The following TRAPPC6B variants were observed in gnomAD, a reference collection of about 807,000 sequenced individuals.
TRAPPC6B encodes the protein TRAPP complex subunit 6B.
Under a neutral mutation model 24.7 loss-of-function variants are expected in TRAPPC6B, and 27 were observed. The observed-to-expected ratio is 1.09, with a 90% CI of 0.81 to 1.51. The LOEUF (loss-of-function observed/expected upper bound fraction) is 1.51. Ranked by LOEUF, TRAPPC6B falls within the 40% of genes most tolerant of loss-of-function variation. TRAPPC6B has a pLI of 0.00. For synonymous variants in TRAPPC6B, 80 were observed against 66.6 expected, an observed-to-expected ratio of 1.20 and a Z score of -0.98; for missense variants, 212 against 190.8, an observed-to-expected ratio of 1.11 and a Z score of -0.66.
intron 3 of TRAPPC6B, among the ~76,000 whole-genome samples, chr14:39,156,365 GATAC>G (rs1231349501): frequency 6.6e-6 from 1 of 152,102 alleles, no homozygotes; most frequent in Non-Finnish European, 1.5e-5. Context: ...GAGAGTACCA[GATAC>G]ATTTAATTTT....
intron 5 of TRAPPC6B, among the ~76,000 whole-genome samples, chr14:39,151,120 G>A (rs995000909): frequency 3.3e-5 from 5 of 151,958 alleles, no homozygotes; most frequent in South Asian, 2.1e-4. Flanking sequence ...GGCCGGGCGC[G>A]GTGGTTCATG....
chr14:39,163,158 T>C (rs1232429999), intron 1 of TRAPPC6B, among the ~76,000 whole-genome samples: 1 of 150,334 alleles, frequency 6.7e-6, no homozygotes, highest in South Asian at 2.1e-4. Context: ...GATCACGAAG[T>C]CAGGAGATCG....
chr14:39,157,446 C>A, intron 3 of TRAPPC6B: 1 of 342,730 alleles, frequency 2.9e-6, no homozygotes, highest in Non-Finnish European at 5.6e-6. Flanking sequence ...GGGATGTCCC[C>A]ACTAAGAGAC....
chr14:39,158,563 G>A (rs549414983), intron 2 of TRAPPC6B, 161 bp from the exon 3 acceptor site: 53 of 549,964 alleles, frequency 9.6e-5, no homozygotes, highest in Middle Eastern at 9.2e-4. Context: ...TGTCGCCCAG[G>A]TTAGAGTGCA....
intron 1 of TRAPPC6B, among the ~76,000 whole-genome samples, chr14:39,164,712 C>G (rs1215729551): frequency 6.6e-6 from 1 of 152,020 alleles, no homozygotes; most frequent in African/African-American, 2.4e-5. Flanking sequence ...TGGCATGCAC[C>G]TATAGTCCCA....
rs1193553070 is a variant in TRAPPC6B at position 39,149,856 on chromosome 14, A to T, written c.*494T>A. 2.0e-5 allele frequency: 3 copies of T among 152,444 alleles called. No individual in the cohort carries two copies. The highest frequency in any genetic ancestry group is 7.2e-5 in the African/African-American group (3 of 41,462). 9.4% of individuals were successfully genotyped at this position (152,444 alleles called of 1,614,324 possible). A position where few individuals can be genotyped will look rare whatever the true frequency, so the allele number is the denominator to read the frequency against. On this transcript the variant is annotated 3_prime_UTR_variant, in exon 6 of 6. Coordinates refer to ENST00000330149, the MANE Select transcript of TRAPPC6B (RefSeq NM_001079537.2). The stretch of plus-strand genomic sequence containing the variant: ...TATGTATTTATATATACACACATAC[A>T]ATGTATATATGAAATCCTTATACAG...
rs372690675 is a variant in TRAPPC6B, at chr14:39,153,431, G to A, written c.351+780C>T. 2.3e-4 allele frequency among the ~76,000 whole-genome samples: 34 copies of A among 149,834 alleles called. 1 individual carries two copies. The East Asian group carries it at 5.4e-3, about 24-fold the overall frequency. On this transcript the variant is annotated intron_variant, in intron 4 of 5. Transcript: ENST00000330149. ...TCACTTGAGCCCAGGAGTTCAAGAC[G>A]AGCCTGGGCAACATCGTGGGATCCC... is the stretch of plus-strand genomic sequence containing the variant.
At chr14:39,160,627 G>GAGGGAAGGGA (rs540667240) in intron 1 of TRAPPC6B, among the ~76,000 whole-genome samples, 1 of 147,444 alleles carries the variant, frequency 6.8e-6, no homozygotes, top group African/African-American at 2.5e-5. Context: ...GAGGGGAGGG[G>GAGGGAAGGGA]AGGGAAGGGA....
intron 1 of TRAPPC6B, among the ~76,000 whole-genome samples, chr14:39,159,980 G>A (rs139908007): frequency 2.6e-5 from 4 of 152,092 alleles, no homozygotes; most frequent in African/African-American, 7.2e-5. Flanking sequence ...CCACCACCAT[G>A]CCTGGTTAAT....
intron 5 of TRAPPC6B, among the ~76,000 whole-genome samples, chr14:39,151,292 A>G (rs60746390): frequency 0.031 from 4,511 of 147,202 alleles, 228 homozygotes; most frequent in African/African-American, 0.11. Context: ...CGGGAGGTTG[A>G]GGCAGGAGAA....
intron 1 of TRAPPC6B, among the ~76,000 whole-genome samples, chr14:39,160,678 G>A (rs1223084095): frequency 1.3e-5 from 2 of 151,970 alleles, no homozygotes; most frequent in Non-Finnish European, 2.9e-5. Flanking sequence ...CAGAAACAGA[G>A]AGAAAAGAGA....
Position 39,148,892 on chromosome 14 carries a change from G to A in TRAPPC6B, c.*1458C>T. On this transcript the variant is annotated 3_prime_UTR_variant, in exon 6 of 6. Transcript: ENST00000330149. ...CTATACACCTAAGCTATGGCCTATTGCTCCTAGGCTACAAACCTGTACAGC... is the reference window on the plus strand; with the variant it reads ...CTATACACCTAAGCTATGGCCTATTACTCCTAGGCTACAAACCTGTACAGC... 1 of 396,122 alleles carries A rather than the reference G, an allele frequency of 2.5e-6. No individual in the cohort carries two copies. Among genetic ancestry groups the A allele is most frequent in the South Asian group, 1.4e-4 (1 of 7,100 alleles). The allele number at this position is 396,122 out of a possible 1,614,324, so 24.5% of individuals were successfully genotyped here. A position where few individuals can be genotyped will look rare whatever the true frequency, so the allele number is the denominator to read the frequency against.
At chr14:39,159,400 C>A in intron 2 of TRAPPC6B, 83 bp downstream of exon 2, 2 of 951,176 alleles carry the variant, frequency 2.1e-6, no homozygotes, top group South Asian at 2.4e-5. Context: ...TTAAAATATC[C>A]CAAGTTTTAT....
At chr14:39,152,411 T>C (rs555446590) in intron 4 of TRAPPC6B, among the ~76,000 whole-genome samples, 3 of 152,080 alleles carry the variant, frequency 2.0e-5, no homozygotes, top group Non-Finnish European at 4.4e-5. Context: ...CCCTGTCATA[T>C]AGAAACAAAG....
intron 1 of TRAPPC6B, among the ~76,000 whole-genome samples, chr14:39,165,532 T>C (rs1314974789): frequency 6.6e-6 from 1 of 152,180 alleles, no homozygotes; most frequent in East Asian, 1.9e-4. Flanking sequence ...GCAGTGCTCA[T>C]GCCTATAATC....
intron 1 of TRAPPC6B, among the ~76,000 whole-genome samples, chr14:39,160,143 A>G (rs578228219): frequency 1.3e-5 from 2 of 152,220 alleles, no homozygotes; most frequent in African/African-American, 4.8e-5. Flanking sequence ...GATACATTTT[A>G]AAACCACTTG....
chr14:39,158,577 G>T (rs1022122035), intron 2 of TRAPPC6B, 175 bp from the exon 3 acceptor site: 2 of 518,280 alleles, frequency 3.9e-6, no homozygotes, highest in African/African-American at 2.0e-5. Flanking sequence ...GAGTGCAATA[G>T]CATAATCTCG....
At position 39,170,016 on chromosome 14, in the gene TRAPPC6B, A is replaced by G; in HGVS notation, c.80T>C (p.Val27Ala). 6.2e-7 allele frequency: 1 copy of G among 1,613,948 alleles called. No homozygotes were observed. Among genetic ancestry groups the G allele is most frequent in the Non-Finnish European group, 8.5e-7 (1 of 1,179,988 alleles). Residue 27 changes from valine (V) to alanine (A), a missense_variant and splice_region_variant, in exon 1 of 6, where the codon GTG (valine) becomes GCG (alanine). Val to Ala is a moderately conservative substitution (Grantham distance 64, BLOSUM62 0). Transcript: ENST00000330149. ...TCAAGGTTGTGTGGCAGCACTCACC[A>G]CCTCCCCCTGCTCCGCGGACTTGTA... ...GVYKSAEQGE[V>A]ENGRCITKLE...
intron 1 of TRAPPC6B, among the ~76,000 whole-genome samples, chr14:39,161,957 T>C (rs751483110): frequency 6.6e-6 from 1 of 152,140 alleles, no homozygotes; most frequent in Non-Finnish European, 1.5e-5. Flanking sequence ...GGACACTTTT[T>C]TTCTGGCAGC....
Sources: allele counts gnomAD v4.1 joint callset (sites outside exome capture counted in the v4.1 genomes callset), GRCh38; gene constraint gnomAD v4.1.1; transcripts MANE v1.5; gene names NCBI Gene and HGNC (gene_info 2026-07-23, HGNC 2026-07-21).